The following NRG3 variants were observed in gnomAD, a reference collection of about 807,000 sequenced individuals.
NRG3 encodes the protein pro-neuregulin-3, membrane-bound isoform.
A neutral mutation model predicts 66.9 loss-of-function variants in NRG3; 31 were observed. That is an observed-to-expected ratio of 0.46 (90% CI 0.35 to 0.63). The LOEUF (loss-of-function observed/expected upper bound fraction) is 0.63. NRG3 is among the 20% of genes least tolerant of loss of function. The pLI, the probability that NRG3 is intolerant of heterozygous loss-of-function variation, is 0.00. For synonymous variants in NRG3, 393 were observed against 359.4 expected, an observed-to-expected ratio of 1.09 and a Z score of -1.06; for missense variants, 910 against 878.9, an observed-to-expected ratio of 1.04 and a Z score of -0.45.
intron 1 of NRG3, among the ~76,000 whole-genome samples, chr10:82,294,332 G>C (rs1238438850): frequency 6.6e-6 from 1 of 152,158 alleles, no homozygotes; most frequent in Non-Finnish European, 1.5e-5. Flanking sequence ...GGAAAGCATT[G>C]AGTCTGCCAT....
chr10:82,384,493 T>C (rs116106061), intron 2 of NRG3, among the ~76,000 whole-genome samples: 5,382 of 152,252 alleles, frequency 0.035, 159 homozygotes, highest in African/African-American at 0.079. Context: ...TGTGTTATTA[T>C]CATTTAGTTC....
At chr10:82,634,897 A>G (rs2050083539) in intron 2 of NRG3, among the ~76,000 whole-genome samples, 1 of 152,170 alleles carries the variant, frequency 6.6e-6, no homozygotes, top group Non-Finnish European at 1.5e-5. Flanking sequence ...GCACCTTTCT[A>G]TAAATGTGGG....
At chr10:82,758,150 T>C (rs567108037) in intron 3 of NRG3, among the ~76,000 whole-genome samples, 1 of 152,180 alleles carries the variant, frequency 6.6e-6, no homozygotes, top group East Asian at 1.9e-4. Context: ...TGATTCTGCT[T>C]TTATTGTGTC....
intron 3 of NRG3, among the ~76,000 whole-genome samples, chr10:82,768,463 A>G (rs1229120369): frequency 6.6e-5 from 10 of 152,098 alleles, no homozygotes; most frequent in African/African-American, 2.4e-4. Flanking sequence ...TTTGGTTCCC[A>G]TGAAGGAAAG....
intron 3 of NRG3, among the ~76,000 whole-genome samples, chr10:82,739,475 C>T (rs1026886632): frequency 1.3e-5 from 2 of 152,118 alleles, no homozygotes; most frequent in Non-Finnish European, 2.9e-5. Flanking sequence ...ATCATACATA[C>T]GTAACACAGA....
chr10:82,215,272 T>C (rs2133694005), intron 1 of NRG3, among the ~76,000 whole-genome samples: 1 of 152,328 alleles, frequency 6.6e-6, no homozygotes, highest in South Asian at 2.1e-4. Context: ...TCTTCGGTGA[T>C]AGCAAATGGA....
chr10:82,692,225 C>CT (rs1423990421), intron 2 of NRG3, among the ~76,000 whole-genome samples: 1 of 149,440 alleles, frequency 6.7e-6, no homozygotes, highest in Non-Finnish European at 1.5e-5. Context: ...TCACTCCAGC[C>CT]TGGGTGACAG....
At chr10:82,441,186 G>C (rs906276532) in intron 2 of NRG3, among the ~76,000 whole-genome samples, 3 of 152,156 alleles carry the variant, frequency 2.0e-5, no homozygotes, top group African/African-American at 7.2e-5. Context: ...CAAGAAATCA[G>C]GTCCACACGA....
At chr10:82,467,318 G>A (rs1000677972) in intron 2 of NRG3, among the ~76,000 whole-genome samples, 6 of 152,136 alleles carry the variant, frequency 3.9e-5, no homozygotes, top group African/African-American at 1.4e-4. Context: ...ATCCAAAAAG[G>A]TAGCAGGCTC....
chr10:82,983,588 T>G (rs780525965), intron 8 of NRG3, among the ~76,000 whole-genome samples: 3 of 152,168 alleles, frequency 2.0e-5, no homozygotes, highest in Non-Finnish European at 4.4e-5. Context: ...AGATATAATT[T>G]TGGGAAAGTC....
At chr10:82,823,692 G>T (rs1213699739) in intron 3 of NRG3, among the ~76,000 whole-genome samples, 1 of 152,054 alleles carries the variant, frequency 6.6e-6, no homozygotes, top group African/African-American at 2.4e-5. Flanking sequence ...CTAGCATCTT[G>T]CAGCTGGTAG....
At chr10:82,248,317 C>T (rs1443681313) in intron 1 of NRG3, among the ~76,000 whole-genome samples, 2 of 152,190 alleles carry the variant, frequency 1.3e-5, no homozygotes, top group African/African-American at 4.8e-5. Context: ...TCTCCTCTGT[C>T]TACTCCCTCT....
intron 1 of NRG3, among the ~76,000 whole-genome samples, chr10:82,122,147 A>G (rs1321902195): frequency 6.6e-6 from 1 of 152,162 alleles, no homozygotes; most frequent in African/African-American, 2.4e-5. Flanking sequence ...ACGTATTTAG[A>G]ATAGTGCCTC....
intron 2 of NRG3, among the ~76,000 whole-genome samples, chr10:82,369,556 T>A (rs2135721836): frequency 7.2e-6 from 1 of 138,380 alleles, no homozygotes; most frequent in African/African-American, 3.4e-5. Flanking sequence ...TTCCTTGGCT[T>A]CCCAAAGTGC....
At chr10:82,865,340 C>T in intron 3 of NRG3, 71 bp from the exon 4 acceptor site, 1 of 1,520,592 alleles carries the variant, frequency 6.6e-7, no homozygotes, top group Non-Finnish European at 9.1e-7. Flanking sequence ...CACTGATTTC[C>T]ATGTATAGAG....
At chr10:82,312,809 T>C (rs558423476) in intron 1 of NRG3, among the ~76,000 whole-genome samples, 1 of 152,302 alleles carries the variant, frequency 6.6e-6, no homozygotes, top group South Asian at 2.1e-4. Flanking sequence ...GCATTAGTAA[T>C]TTTTGCTCAA....
chr10:82,516,428 C>A (rs1276223922), intron 2 of NRG3, among the ~76,000 whole-genome samples: 1 of 152,034 alleles, frequency 6.6e-6, no homozygotes, highest in Non-Finnish European at 1.5e-5. Context: ...TAAGGGGAGT[C>A]CAATCAACCA....
intron 1 of NRG3, among the ~76,000 whole-genome samples, chr10:82,265,559 G>T (rs376662540): frequency 6.6e-6 from 1 of 152,154 alleles, no homozygotes; most frequent in African/African-American, 2.4e-5. Flanking sequence ...TGGATGTGGC[G>T]TAATAATAGA....
chr10:82,917,998 G>A (rs61858812), intron 4 of NRG3, among the ~76,000 whole-genome samples: 10,585 of 104,960 alleles, frequency 0.1, 685 homozygotes, highest in African/African-American at 0.18. Flanking sequence ...ATATATGTAT[G>A]TATGTATCTC....
Sources: allele counts gnomAD v4.1 joint callset (sites outside exome capture counted in the v4.1 genomes callset), GRCh38; gene constraint gnomAD v4.1.1; transcripts MANE v1.5; gene names NCBI Gene and HGNC (gene_info 2026-07-23, HGNC 2026-07-21).